The following PGM1 variants were observed in gnomAD, a reference collection of about 807,000 sequenced individuals.
The protein encoded by PGM1 is phosphoglucomutase 1.
In PGM1, 52 loss-of-function variants were observed where a neutral mutation model predicts 55.6. That is an observed-to-expected ratio of 0.94 (90% CI 0.75 to 1.18). PGM1 has a LOEUF of 1.18. PGM1 is among the 50% of genes most tolerant of loss of function. PGM1 has a pLI of 0.00. For missense variants in PGM1, 724 were observed against 729.3 expected (o/e 0.99, Z 0.08); for synonymous variants, 287 against 271.7 (o/e 1.06, Z -0.55).
chr1:63,651,973 G>A, intron 9 of PGM1, 121 bp downstream of exon 9: 1 of 938,198 alleles, frequency 1.1e-6, no homozygotes, highest in Non-Finnish European at 1.7e-6. Context: ...TTTTTCTAGG[G>A]TAGCTGTTCT....
intron 1 of PGM1, among the ~76,000 whole-genome samples, chr1:63,627,032 C>A (rs1308811003): frequency 6.8e-6 from 1 of 147,816 alleles, no homozygotes; most frequent in Non-Finnish European, 1.5e-5. Flanking sequence ...AAGGTTCATC[C>A]ATCTTGTGGC....
chr1:63,636,919 C>T (rs17301901), intron 6 of PGM1, among the ~76,000 whole-genome samples: 9,091 of 152,246 alleles, frequency 0.06, 378 homozygotes, highest in Non-Finnish European at 0.084. Flanking sequence ...ACGACTGGAT[C>T]GCTCTTGCCC....
intron 4 of PGM1, among the ~76,000 whole-genome samples, chr1:63,633,902 GTGTGTGTGTGTGTGTGTATATATATA>G (rs1649272635): frequency 2.8e-4 from 11 of 38,992 alleles, no homozygotes; most frequent in Middle Eastern, 0.014. Flanking sequence ...GTGTGTGTGT[GTGTGTGTGTGTGTGTGTATATATATA>G]TATATTTTTT....
At chr1:63,624,200 A>G (rs567902762) in intron 1 of PGM1, among the ~76,000 whole-genome samples, 1 of 152,282 alleles carries the variant, frequency 6.6e-6, no homozygotes, top group South Asian at 2.1e-4. Flanking sequence ...AGGAAAACAA[A>G]AGCCAGGGCA....
intron 1 of PGM1, among the ~76,000 whole-genome samples, chr1:63,622,020 T>G (rs1648890241): frequency 6.6e-6 from 1 of 152,162 alleles, no homozygotes; most frequent in South Asian, 2.1e-4. Context: ...ATGATTCACT[T>G]TTCCCTTCAA....
chr1:63,601,988 A>C (rs968958771), intron 1 of PGM1, among the ~76,000 whole-genome samples: 1 of 152,172 alleles, frequency 6.6e-6, no homozygotes, highest in Non-Finnish European at 1.5e-5. Flanking sequence ...TTTTTTCTCT[A>C]TGAGTACCCC....
chr1:63,598,273 C>T (rs864115), intron 1 of PGM1, among the ~76,000 whole-genome samples: 52,537 of 152,006 alleles, frequency 0.35, 9,291 homozygotes, highest in East Asian at 0.48. Flanking sequence ...GCCATCGTGC[C>T]GGGCAGAGTA....
At chr1:63,639,157 C>G (rs927775986) in intron 7 of PGM1, among the ~76,000 whole-genome samples, 1 of 152,056 alleles carries the variant, frequency 6.6e-6, no homozygotes, top group African/African-American at 2.4e-5. Context: ...AGAAGAAATA[C>G]GGTGGAGCAA....
intron 4 of PGM1, among the ~76,000 whole-genome samples, chr1:63,634,183 C>A (rs1422774546): frequency 1.3e-5 from 2 of 151,688 alleles, no homozygotes; most frequent in African/African-American, 2.4e-5. Flanking sequence ...TAAGTTTGGG[C>A]AAATGTCTTT....
At chr1:63,658,490 C>T (rs774923697) in intron 10 of PGM1, among the ~76,000 whole-genome samples, 78 of 151,536 alleles carry the variant, frequency 5.1e-4, no homozygotes, top group Admixed American at 1.1e-3. Context: ...CGGTGGCTCA[C>T]GCCTGTAATC....
chr1:63,602,140 T>A (rs888745468), intron 1 of PGM1, among the ~76,000 whole-genome samples: 7 of 152,136 alleles, frequency 4.6e-5, no homozygotes, highest in Non-Finnish European at 7.3e-5. Context: ...AATAAATATA[T>A]CCCAGAGCAA....
intron 9 of PGM1, among the ~76,000 whole-genome samples, chr1:63,652,610 A>G (rs1649839397): frequency 6.6e-6 from 1 of 152,176 alleles, no homozygotes; most frequent in Non-Finnish European, 1.5e-5. Context: ...ACAATTCATA[A>G]TAGAATAAAG....
chr1:63,606,384 T>C (rs1466358101), intron 1 of PGM1, among the ~76,000 whole-genome samples: 1 of 152,224 alleles, frequency 6.6e-6, no homozygotes, highest in Non-Finnish European at 1.5e-5. Flanking sequence ...CTTCCTTTCA[T>C]ATCCTGGGTG....
At chr1:63,619,690 C>T (rs1175490373) in intron 1 of PGM1, among the ~76,000 whole-genome samples, 1 of 152,180 alleles carries the variant, frequency 6.6e-6, no homozygotes, top group East Asian at 1.9e-4. Flanking sequence ...CATAGACTTG[C>T]CCCAACTATT....
chr1:63,656,214 C>G (rs1649961752), intron 10 of PGM1, among the ~76,000 whole-genome samples: 1 of 152,128 alleles, frequency 6.6e-6, no homozygotes, highest in African/African-American at 2.4e-5. Flanking sequence ...AAATGAAAAT[C>G]AAAACCACAA....
Position 63,629,448 on chromosome 1 carries a change from G to C in PGM1, c.270G>C (p.Gln90His), listed in dbSNP as rs1187266433. 1 of 1,613,724 alleles carries C rather than the reference G, an allele frequency of 6.2e-7. No individual in the cohort carries two copies. Among genetic ancestry groups the C allele is most frequent in the Non-Finnish European group, 8.5e-7 (1 of 1,179,708 alleles). ...AGATCGGTCGCTTGGTTATCGGACA[G>C]AATGGAATCCTCTCCACCCCTGCTG... ...ANGIGRLVIG[Q>H]NGILSTPAVS... Residue 90 changes from glutamine to histidine, a missense_variant, in exon 2 of 11, where the codon CAG (glutamine) becomes CAC (histidine). Around this residue, in one of 3 missense-constraint regions of PGM1, gnomAD observed 379 missense variants for 357.5 expected, o/e 1.06. Coordinates refer to ENST00000371084, the MANE Select transcript of PGM1 (RefSeq NM_002633.3).
chr1:63,594,778 C>G (rs1647993936), intron 1 of PGM1, among the ~76,000 whole-genome samples: 1 of 78,814 alleles, frequency 1.3e-5, no homozygotes, highest in Non-Finnish European at 2.3e-5. Context: ...CACGTCTCTA[C>G]TAAAAAATAC....
intron 1 of PGM1, among the ~76,000 whole-genome samples, chr1:63,609,734 G>A (rs747912129): frequency 6.6e-6 from 1 of 152,148 alleles, no homozygotes; most frequent in Non-Finnish European, 1.5e-5. Flanking sequence ...GACCAATAAT[G>A]TACAATACAG....
chr1:63,647,256 T>TTATATATATATA (rs1649670948), intron 7 of PGM1, among the ~76,000 whole-genome samples: 1 of 51,560 alleles, frequency 1.9e-5, no homozygotes, highest in African/African-American at 3.6e-5. Flanking sequence ...AAATAAAATT[T>TTATATATATATA]TACATATATA....
Sources: allele counts gnomAD v4.1 joint callset (sites outside exome capture counted in the v4.1 genomes callset), GRCh38; gene constraint gnomAD v4.1.1; regional missense constraint gnomAD v4.1.1; transcripts MANE v1.5; gene names NCBI Gene and HGNC (gene_info 2026-07-23, HGNC 2026-07-21).